Variants in RIC1 observed in about 807,000 individuals in gnomAD.
The protein encoded by RIC1 is guanine nucleotide exchange factor subunit RIC1.
RIC1 carries 88 observed loss-of-function variants against 169.0 expected under a neutral mutation model. The ratio of observed to expected loss-of-function variants is 0.52; its 90% CI spans 0.44 to 0.62. The LOEUF (loss-of-function observed/expected upper bound fraction) is 0.62, where lower values mean the gene tolerates loss of function less well. Among genes scored for constraint, RIC1 ranks in the 20% least tolerant of loss-of-function variants. The pLI is 0.00. For synonymous variants in RIC1, 790 were observed against 601.5 expected (o/e 1.31, Z -4.59); for missense variants, 1,877 against 1,725.5 (o/e 1.09, Z -1.56).
chr9:5,751,400 G>A (rs1825716225), intron 12 of RIC1, among the ~76,000 whole-genome samples: 1 of 151,874 alleles, frequency 6.6e-6, no homozygotes, highest in Non-Finnish European at 1.5e-5. Flanking sequence ...CTGTTGCCCA[G>A]GCTGGAGTGC....
chr9:5,666,692 T>C (rs1001249589), intron 2 of RIC1, among the ~76,000 whole-genome samples: 1 of 152,262 alleles, frequency 6.6e-6, no homozygotes, highest in Non-Finnish European at 1.5e-5. Flanking sequence ...TGATTGATTT[T>C]CCTACATTGA....
intron 2 of RIC1, among the ~76,000 whole-genome samples, chr9:5,664,742 G>C (rs540274765): frequency 6.6e-6 from 1 of 152,054 alleles, no homozygotes; most frequent in Non-Finnish European, 1.5e-5. Flanking sequence ...TCTCTTTCAG[G>C]TACCCCAGTC....
At position 5,772,563 on chromosome 9, in the gene RIC1, G is replaced by C; in HGVS notation, c.3617-1G>C. The C allele has an allele frequency of 6.3e-7, 1 of 1,583,200 alleles. No individual in the cohort carries two copies. Among genetic ancestry groups the C allele is most frequent in the Non-Finnish European group, 8.6e-7 (1 of 1,168,638 alleles). On this transcript the variant is annotated splice_acceptor_variant, in intron 23 of 25. Transcript: ENST00000414202. LOFTEE classifies it high-confidence loss of function. The stretch of plus-strand genomic sequence containing the variant: ...TGTAACTTTTGGCAATTCTTCATCA[G>C]GTGATGAATGCAGTATTGGTTCAGC...
Position 5,738,545 on chromosome 9 carries a change from C to CTT in RIC1, c.901+27_901+28dup, listed in dbSNP as rs74310870. On this transcript the variant is annotated splice_region_variant and intron_variant, in intron 8 of 25. Transcript: ENST00000414202. ...ACAGCAAAACAGTATCCTGGTGAGT[C>CTT]TTTTTTTTTTTTTTTTTTTTTAACA... The CTT allele has an allele frequency of 4.6e-3, 3,734 of 813,516 alleles. 2 individuals are homozygous for CTT. The highest frequency in any genetic ancestry group is 0.012 in the South Asian group (549 of 46,400). 50.4% of individuals were successfully genotyped at this position (813,516 alleles called of 1,614,324 possible).
rs147620531 is a variant in RIC1 at position 5,665,214 on chromosome 9, G to A, written c.252+8524G>A. On this transcript the variant is annotated intron_variant, in intron 2 of 25. Coordinates refer to ENST00000414202, the MANE Select transcript of RIC1 (RefSeq NM_020829.4). Reference sequence around the variant, plus strand: ...GTAGTGTGTTTCTCAGCTCTAATAGGTCAGTTAACTTCCTCTCTAAACTGG... The same window carrying A: ...GTAGTGTGTTTCTCAGCTCTAATAGATCAGTTAACTTCCTCTCTAAACTGG... Among the ~76,000 whole-genome samples, 6 of 151,902 alleles carry A rather than the reference G, an allele frequency of 3.9e-5. No homozygotes were observed. The East Asian group carries it at 1.2e-3, about 29-fold the overall frequency.
chr9:5,697,151 C>G (rs755993194), intron 3 of RIC1, among the ~76,000 whole-genome samples: 21 of 152,208 alleles, frequency 1.4e-4, no homozygotes, highest in Non-Finnish European at 4.4e-5. Flanking sequence ...GAGCTTTTCT[C>G]TGTGTGGCTC....
rs2130175852 is a variant in RIC1, at chr9:5,629,393, C to T, written c.84C>T (p.Asp28=). ...PAEAPFHVQS[D]PQRAFFAVLA... is the part of the protein sequence containing the mutation. ...AGGCGCCTTTCCACGTTCAGTCCGA[C>T]CCGCAGAGGGCTTTCTTCGCCGTGC... The change falls in exon 1 of 26, where the codon GAC becomes GAT. Residue 28 remains aspartate, a synonymous_variant. Coordinates refer to ENST00000414202, the MANE Select transcript of RIC1 (RefSeq NM_020829.4). 2.6e-6 allele frequency: 4 copies of T among 1,534,100 alleles called. No individual in the cohort carries two copies. Among genetic ancestry groups the T allele is most frequent in the Non-Finnish European group, 3.5e-6 (4 of 1,146,100 alleles).
At chr9:5,638,272 A>G (rs1046633941) in intron 1 of RIC1, among the ~76,000 whole-genome samples, 1 of 152,194 alleles carries the variant, frequency 6.6e-6, no homozygotes, top group African/African-American at 2.4e-5. Context: ...GGGTTTTCAC[A>G]TCAGTGTTCA....
chr9:5,634,866 C>T (rs1817893358), intron 1 of RIC1, among the ~76,000 whole-genome samples: 1 of 151,976 alleles, frequency 6.6e-6, no homozygotes, highest in Non-Finnish European at 1.5e-5. Context: ...AGTCTTTGAT[C>T]CTTCTTCTTA....
intron 1 of RIC1, among the ~76,000 whole-genome samples, chr9:5,636,395 C>G (rs1251130893): frequency 6.6e-6 from 1 of 152,180 alleles, no homozygotes; most frequent in African/African-American, 2.4e-5. Flanking sequence ...TCTCAACTCA[C>G]TGCAGCCTCT....
chr9:5,663,665 A>G (rs1454676849), intron 2 of RIC1, among the ~76,000 whole-genome samples: 1 of 152,132 alleles, frequency 6.6e-6, no homozygotes, highest in Non-Finnish European at 1.5e-5. Flanking sequence ...TTTGCTTGGT[A>G]AATTTTCCTC....
chr9:5,641,676 T>C (rs1818258119), intron 1 of RIC1, among the ~76,000 whole-genome samples: 2 of 115,394 alleles, frequency 1.7e-5, no homozygotes, highest in South Asian at 4.9e-4. Context: ...ACTAATTCTT[T>C]CTTCTGCTTG....
chr9:5,672,949 C>T (rs1287119033), intron 2 of RIC1, among the ~76,000 whole-genome samples: 3 of 152,066 alleles, frequency 2.0e-5, no homozygotes, highest in Non-Finnish European at 4.4e-5. Context: ...AATCCTGTAC[C>T]TAGACAGGAT....
intron 17 of RIC1, among the ~76,000 whole-genome samples, chr9:5,759,315 G>C: frequency 6.6e-6 from 1 of 152,124 alleles, no homozygotes; most frequent in Non-Finnish European, 1.5e-5. Context: ...AAGAATTATT[G>C]CCAAAAATCT....
chr9:5,770,209 G>A lies in RIC1; in HGVS notation c.3547G>A (p.Glu1183Lys). The change falls in exon 23 of 26, where the codon GAG (glutamate) becomes AAG (lysine). Residue 1183 changes from glutamate (E) to lysine (K), a missense_variant. This residue lies in a region of RIC1 where 681 missense variants were observed against 582.0 expected (regional missense o/e 1.17). Transcript: ENST00000414202. Reference sequence around the variant, plus strand: ...CAGCAACATTGGCCCCACCCATCATGAGATAGACACAGCTTCATCCCATGG... The same window carrying A: ...CAGCAACATTGGCCCCACCCATCATAAGATAGACACAGCTTCATCCCATGG... ...WLSNIGPTHHEIDTASSHGPQ... is the reference protein window; with the variant it reads ...WLSNIGPTHHKIDTASSHGPQ... 1 of 1,614,018 alleles carries A rather than the reference G, an allele frequency of 6.2e-7. No individual in the cohort carries two copies. The highest frequency in any genetic ancestry group is 1.7e-4 in the Middle Eastern group (1 of 6,060).
At chr9:5,769,988 G>A (rs1827088992) in intron 22 of RIC1, 99 bp from the exon 23 acceptor site, 2 of 1,032,474 alleles carry the variant, frequency 1.9e-6, no homozygotes, top group Non-Finnish European at 2.8e-6. Context: ...TTCTTATTGG[G>A]TAGGCAGGTA....
rs1033173204 is a variant in RIC1, at chr9:5,651,867, C to G, written c.145-4716C>G. Among the ~76,000 whole-genome samples the G allele has an allele frequency of 2.6e-5, 4 of 152,224 alleles. No individual in the cohort carries two copies. The South Asian group carries it at 6.2e-4, about 24-fold the overall frequency. ...ACAGGCATGAGCCACCGCACCTAGC[C>G]TCTTTAATCTATTTTGAAATGAGTT... On this transcript the variant is annotated intron_variant, in intron 1 of 25. Coordinates refer to ENST00000414202, the MANE Select transcript of RIC1 (RefSeq NM_020829.4).
rs62557391 is a variant in RIC1, at chr9:5,753,949, A to G, written c.1602+303A>G. Among the ~76,000 whole-genome samples, 255 of 152,304 alleles carry G rather than the reference A, an allele frequency of 1.7e-3. 1 individual carries two copies. The Middle Eastern group carries it at 0.017, about 10-fold the overall frequency. On this transcript the variant is annotated intron_variant, in intron 14 of 25. Coordinates refer to ENST00000414202, the MANE Select transcript of RIC1 (RefSeq NM_020829.4). ...CAGCTTGAGTTTATCTGATGTGATC[A>G]GAATAGATTTCCACAGAATTTGAGA...
chr9:5,768,905 G>C, intron 21 of RIC1, 65 bp from the exon 22 acceptor site: 1 of 1,505,484 alleles, frequency 6.6e-7, no homozygotes, highest in Non-Finnish European at 8.9e-7. Context: ...GTACCTCTGC[G>C]TAATAAGGAT....
Sources: allele counts gnomAD v4.1 joint callset (sites outside exome capture counted in the v4.1 genomes callset), GRCh38; gene constraint gnomAD v4.1.1; regional missense constraint gnomAD v4.1.1; transcripts MANE v1.5; gene names NCBI Gene and HGNC (gene_info 2026-07-23, HGNC 2026-07-21).